The following RMST variants were observed in gnomAD, a reference collection of about 807,000 sequenced individuals.
RMST encodes the protein rhabdomyosarcoma 2 associated transcript, also known as long intergenic non-protein coding RNA 54.
At chr12:97,505,498 G>C (rs1168710695) in intron 10 of RMST, among the ~76,000 whole-genome samples, 1 of 152,220 alleles carries the variant, frequency 6.6e-6, no homozygotes, top group Non-Finnish European at 1.5e-5. Flanking sequence ...CTGCAGTAAT[G>C]AATTCTCACT....
chr12:97,545,451 G>A (rs1375629892), intron 11 of RMST, among the ~76,000 whole-genome samples: 1 of 152,020 alleles, frequency 6.6e-6, no homozygotes, highest in Admixed American at 6.6e-5. Context: ...TAATGCTGTG[G>A]ATAATTTTGA....
chr12:97,544,018 T>C (rs1882748530), intron 11 of RMST, among the ~76,000 whole-genome samples: 1 of 152,086 alleles, frequency 6.6e-6, no homozygotes, highest in African/African-American at 2.4e-5. Flanking sequence ...GGCATTCACT[T>C]TTCCTATTTT....
intron 10 of RMST, among the ~76,000 whole-genome samples, chr12:97,528,389 T>C (rs1881321524): frequency 6.6e-6 from 1 of 152,146 alleles, no homozygotes; most frequent in Non-Finnish European, 1.5e-5. Flanking sequence ...TTTGGAGACA[T>C]TGTTTCCATT....
At chr12:97,513,620 C>T (rs1218831741) in intron 10 of RMST, among the ~76,000 whole-genome samples, 1 of 152,138 alleles carries the variant, frequency 6.6e-6, no homozygotes, top group African/African-American at 2.4e-5. Flanking sequence ...GGAATTAGCT[C>T]TTATATTACC....
intron 13 of RMST, chr12:97,564,136 G>A (rs1004876241): frequency 5.9e-5 from 18 of 302,866 alleles, no homozygotes; most frequent in Admixed American, 8.6e-5. Context: ...ATTTTTCTCC[G>A]TTTTCTATTA....
intron 10 of RMST, among the ~76,000 whole-genome samples, chr12:97,522,436 T>G (rs1236927669): frequency 6.6e-6 from 1 of 152,202 alleles, no homozygotes; most frequent in African/African-American, 2.4e-5. Context: ...GGTTGAGATA[T>G]AGTTTCTAGC....
At chr12:97,544,564 G>C (rs897986860) in intron 11 of RMST, among the ~76,000 whole-genome samples, 3 of 152,000 alleles carry the variant, frequency 2.0e-5, no homozygotes, top group African/African-American at 7.2e-5. Context: ...TGTACTGGGG[G>C]AATCGAGTTC....
chr12:97,481,860 T>C (rs969036858), intron 5 of RMST, among the ~76,000 whole-genome samples: 3 of 152,222 alleles, frequency 2.0e-5, no homozygotes, highest in Admixed American at 1.3e-4. Context: ...ATAAGCCCCA[T>C]TGTGATCTTA....
chr12:97,466,094 T>C (rs1178695908), intron 5 of RMST, among the ~76,000 whole-genome samples: 2 of 152,200 alleles, frequency 1.3e-5, no homozygotes, highest in Non-Finnish European at 2.9e-5. Flanking sequence ...TCAAAAGGTC[T>C]CTTCTGGCTT....
intron 10 of RMST, among the ~76,000 whole-genome samples, chr12:97,516,897 G>T (rs1879992491): frequency 6.6e-6 from 1 of 151,898 alleles, no homozygotes; most frequent in Admixed American, 6.5e-5. Context: ...TATTGTATGG[G>T]AAGTAAATAC....
chr12:97,544,415 G>C (rs1882782589), intron 11 of RMST, among the ~76,000 whole-genome samples: 1 of 151,982 alleles, frequency 6.6e-6, no homozygotes, highest in South Asian at 2.1e-4. Context: ...CTTTGTCTTA[G>C]GTTAGTGCCA....
At chr12:97,507,287 TAAAA>T (rs143392654) in intron 10 of RMST, among the ~76,000 whole-genome samples, 3 of 145,562 alleles carry the variant, frequency 2.1e-5, no homozygotes, top group Admixed American at 6.8e-5. Context: ...TTTTTTTTTT[TAAAA>T]AAAAAAAGAT....
In RMST at chr12:97,543,428, C is replaced by T. The variant is rs968887950; in HGVS notation, n.1545+12569C>T. 4.6e-5 allele frequency among the ~76,000 whole-genome samples: 7 copies of T among 151,916 alleles called. No individual in the cohort carries two copies. In the East Asian group the frequency reaches 9.7e-4, roughly 21 times the overall value. On this transcript the variant is annotated intron_variant and non_coding_transcript_variant, in intron 11 of 13. Transcript: ENST00000640149. ...AGAAAGTAAATGCTATAAGGACTGG[C>T]GATTTTTCTGCCCTGTTTAATACTT...
chr12:97,504,898 G>A (rs533937735), intron 10 of RMST, among the ~76,000 whole-genome samples: 1 of 152,068 alleles, frequency 6.6e-6, no homozygotes, highest in East Asian at 1.9e-4. Context: ...ATGACTCTTG[G>A]ACTTTCTCTC....
At chr12:97,553,533 G>C (rs543825890) in intron 11 of RMST, among the ~76,000 whole-genome samples, 123 of 152,314 alleles carry the variant, frequency 8.1e-4, no homozygotes, top group Non-Finnish European at 1.2e-3. Context: ...CATAGCTCTA[G>C]AAGGTGGTTG....
intron 11 of RMST, among the ~76,000 whole-genome samples, chr12:97,551,171 T>TAA (rs371319102): frequency 2.5e-4 from 33 of 132,342 alleles, no homozygotes; most frequent in Admixed American, 1.3e-3. Context: ...TCATTGTTTT[T>TAA]AAAAAAAAAA....
intron 11 of RMST, chr12:97,532,585 A>ACAGAGTTATTTG (rs2136593965): frequency 6.9e-6 from 1 of 145,954 alleles, no homozygotes; most frequent in South Asian, 2.3e-4. Context: ...ACTCTGTTGG[A>ACAGAGTTATTTG]GTATTGAAGG....
At chr12:97,473,068 T>C (rs1230495232) in intron 5 of RMST, among the ~76,000 whole-genome samples, 1 of 152,262 alleles carries the variant, frequency 6.6e-6, no homozygotes, top group Non-Finnish European at 1.5e-5. Context: ...AATCATACTT[T>C]AGTAGTGTGA....
chr12:97,516,208 T>C (rs944635310), intron 10 of RMST, among the ~76,000 whole-genome samples: 1 of 152,060 alleles, frequency 6.6e-6, no homozygotes, highest in Non-Finnish European at 1.5e-5. Context: ...TTATTGGAAT[T>C]GTAATTTTAC....
Sources: allele counts gnomAD v4.1 joint callset (sites outside exome capture counted in the v4.1 genomes callset), GRCh38; gene constraint gnomAD v4.1.1; transcripts MANE v1.5; gene names NCBI Gene and HGNC (gene_info 2026-07-23, HGNC 2026-07-21).